FAM83H: variants seen among roughly 807,000 people sequenced by gnomAD.
FAM83H encodes scaffolding CK1 anchoring protein H, also known as protein FAM83H.
Under a neutral mutation model 30.2 loss-of-function variants are expected in FAM83H, and 24 were observed. That is an observed-to-expected ratio of 0.79 (90% CI 0.57 to 1.12). The LOEUF is 1.12. Ranked by LOEUF, FAM83H falls within the 50% of genes most tolerant of loss-of-function variation. FAM83H has a pLI of 0.00. For synonymous variants in FAM83H, 1,013 were observed against 821.7 expected (o/e 1.23, Z -3.98); for missense variants, 2,038 against 1,773.9 (o/e 1.15, Z -2.67).
chr8:143,728,892 C>T, intron 4 of FAM83H, 75 bp downstream of exon 4: 2 of 1,609,516 alleles, frequency 1.2e-6, no homozygotes, highest in Non-Finnish European at 1.7e-6. Context: ...GAGGAGGGCC[C>T]TGGTGTGGAA....
chr8:143,725,721 G>A lies in FAM83H; in HGVS notation c.*200C>T. 1.2e-6 allele frequency: 1 copy of A among 833,394 alleles called. No homozygotes were observed. Among genetic ancestry groups the A allele is most frequent in the Non-Finnish European group, 1.8e-6 (1 of 546,746 alleles). 51.6% of individuals were successfully genotyped at this position (833,394 alleles called of 1,614,324 possible). On this transcript the variant is annotated 3_prime_UTR_variant, in exon 5 of 5. Transcript: ENST00000388913. ...GCGAGGGGTGCAGCCCCAGCGTTGG[G>A]GAGGCCAGGGGGCAGAGACGGCAGC...
rs563211769 is a variant in FAM83H at position 143,727,550 on chromosome 8, G to A, written c.1911C>T (p.Pro637=). 4 of 1,587,024 alleles carry A rather than the reference G, an allele frequency of 2.5e-6. No homozygotes were observed. Among genetic ancestry groups the A allele is most frequent in the African/African-American group, 1.3e-5 (1 of 74,268 alleles). ...PSAFRVPAAF[P]TKVPVPGPGS... is the part of the protein sequence containing the mutation. ...CCGGGCCTGGCACCGGGACCTTGGT[G>A]GGGAAGGCTGCTGGGACGCGGAAGG... The change falls in exon 5 of 5, where the codon CCC becomes CCT. Residue 637 remains proline (P), a synonymous_variant. Coordinates refer to ENST00000388913, the MANE Select transcript of FAM83H (RefSeq NM_198488.5).
In FAM83H at chr8:143,728,206, C is replaced by T; in HGVS notation, c.1255G>A (p.Ala419Thr). 6.2e-7 allele frequency: 1 copy of T among 1,600,692 alleles called. No individual in the cohort carries two copies. Among genetic ancestry groups the T allele is most frequent in the Non-Finnish European group, 8.5e-7 (1 of 1,177,346 alleles). Residue 419 changes from alanine to threonine, a missense_variant, in exon 5 of 5, where the codon GCC becomes ACC. Transcript: ENST00000388913. Reference protein sequence around the residue: ...RHSFATEGAGAVENFAAARQV... With the variant: ...RHSFATEGAGTVENFAAARQV... Reference sequence around the variant, plus strand: ...CGCGCGGCCGCGAAGTTCTCCACGGCGCCCGCGCCCTCGGTCGCGAAGCTG... The same window carrying T: ...CGCGCGGCCGCGAAGTTCTCCACGGTGCCCGCGCCCTCGGTCGCGAAGCTG...
chr8:143,727,223 A>C lies in FAM83H; in HGVS notation c.2238T>G (p.Arg746=). 6.5e-7 allele frequency: 1 copy of C among 1,533,842 alleles called. No individual in the cohort carries two copies. The highest frequency in any genetic ancestry group is 2.4e-5 in the East Asian group (1 of 40,818). Residue 746 remains arginine (R), a synonymous_variant, in exon 5 of 5, where the codon CGT becomes CGG. Transcript: ENST00000388913. ...TGGCGCCCGCGCCGCCGCCGGGATC[A>C]CGGGCTGGGCCCTTGTACTTCTCCA... The part of the protein sequence containing the change: ...ELLEKYKGPA[R]DPGGGAGAIT...
rs1818208717 is a variant in FAM83H, at chr8:143,724,466, C to CA, written c.*1454dup. The CA allele has an allele frequency of 6.6e-6, 1 of 152,112 alleles. No individual in the cohort carries two copies. The highest frequency in any genetic ancestry group is 2.4e-5 in the African/African-American group (1 of 41,398). The allele number at this position is 152,112 out of a possible 1,614,324, so 9.4% of individuals were successfully genotyped here. A position where few individuals can be genotyped will look rare whatever the true frequency, so the allele number is the denominator to read the frequency against. ...CTACACACGTGGTGCCAAAATGTGT[C>CA]ATTCTGAGTCAATTGCAATTCCTCT... On this transcript the variant is annotated 3_prime_UTR_variant, in exon 5 of 5. Transcript: ENST00000388913.
chr8:143,726,835 G>T lies in FAM83H; in HGVS notation c.2626C>A (p.Pro876Thr). ...GGCGTGGGGCTCCCCTTCCGCTCAG[G>T]GTAAGCCGAGGTGGGGCTCCCTTTT... is the stretch of plus-strand genomic sequence containing the variant. Reference protein sequence around the residue: ...ESKGSPTSAYPERKGSPTPGF... With the variant: ...ESKGSPTSAYTERKGSPTPGF... The change falls in exon 5 of 5, where the codon CCT becomes ACT. Residue 876 changes from proline (P) to threonine (T), a missense_variant. Physicochemically the swap from Pro to Thr is conservative, Grantham distance 38. Coordinates refer to ENST00000388913, the MANE Select transcript of FAM83H (RefSeq NM_198488.5). 6.2e-7 allele frequency: 1 copy of T among 1,612,978 alleles called. No homozygotes were observed. Among genetic ancestry groups the T allele is most frequent in the Non-Finnish European group, 8.5e-7 (1 of 1,179,922 alleles).
rs10448090 is a variant in FAM83H at position 143,729,583 on chromosome 8, T to A, written c.448-260A>T. 0.62 allele frequency among the ~76,000 whole-genome samples: 94,166 copies of A among 152,042 alleles called. 32,171 individuals are homozygous for A. The highest frequency in any genetic ancestry group is 0.77 in the Non-Finnish European group (52,423 of 67,948). On this transcript the variant is annotated intron_variant, in intron 2 of 4. Coordinates refer to ENST00000388913, the MANE Select transcript of FAM83H (RefSeq NM_198488.5). ...GAACCCTGGATGAGGGTGGGCCAGGTTGGGGCACGGCAAGGGCCCCTCAAT... is the reference window on the plus strand; with the variant it reads ...GAACCCTGGATGAGGGTGGGCCAGGATGGGGCACGGCAAGGGCCCCTCAAT...
In FAM83H at chr8:143,730,162, G is replaced by T. The variant is rs782242457; in HGVS notation, c.421C>A (p.Arg141Ser). 10 of 1,595,178 alleles carry T rather than the reference G, an allele frequency of 6.3e-6. No homozygotes were observed. Among genetic ancestry groups the T allele is most frequent in the Non-Finnish European group, 7.7e-6 (9 of 1,168,166 alleles). The stretch of plus-strand genomic sequence containing the variant: ...TGCTGGGCGGAACGGATCATCCTGC[G>T]GGCCTCATCCTTGATACTGGGGCTG... Reference protein sequence around the residue: ...PDSPSIKDEARRMIRSAQQVV... With the variant: ...PDSPSIKDEASRMIRSAQQVV... The change falls in exon 2 of 5, where the codon CGC becomes AGC. Residue 141 changes from arginine (R) to serine (S), a missense_variant. Physicochemically the swap from Arg to Ser is moderately radical, Grantham distance 110. Transcript: ENST00000388913.
At position 143,726,637 on chromosome 8, in the gene FAM83H, A is replaced by T; in HGVS notation, c.2824T>A (p.Ser942Thr). The stretch of plus-strand genomic sequence containing the variant: ...GGCCCGGCCTTCGGGGACTCCCCGG[A>T]GATGGTAAGGGTGAGGCTGCCCCTG... The part of the protein sequence containing the change: ...ERRGSLTLTI[S>T]GESPKAGPAE... The change falls in exon 5 of 5, where the codon TCC (serine) becomes ACC (threonine). Residue 942 changes from serine to threonine, a missense_variant. Ser to Thr is a moderately conservative substitution (Grantham distance 58). Transcript: ENST00000388913. 1 of 1,598,314 alleles carries T rather than the reference A, an allele frequency of 6.3e-7. No individual in the cohort carries two copies. The highest frequency in any genetic ancestry group is 8.5e-7 in the Non-Finnish European group (1 of 1,177,808).
chr8:143,732,867 C>T (rs1291741553), intron 1 of FAM83H, among the ~76,000 whole-genome samples: 2 of 151,798 alleles, frequency 1.3e-5, no homozygotes, highest in Non-Finnish European at 2.9e-5. Flanking sequence ...CACTCTTCTG[C>T]TTGCTGACCC....
chr8:143,732,984 G>A (rs1818580522), intron 1 of FAM83H: 1 of 154,378 alleles, frequency 6.5e-6, no homozygotes, highest in African/African-American at 2.4e-5. Context: ...AGGACCCCAT[G>A]GAAGGATCTG....
rs1382938952 is a variant in FAM83H at position 143,727,296 on chromosome 8, C to T, written c.2165G>A (p.Gly722Asp). 1.3e-6 allele frequency: 2 copies of T among 1,538,496 alleles called. No individual in the cohort carries two copies. The highest frequency in any genetic ancestry group is 1.7e-6 in the Non-Finnish European group (2 of 1,148,302). The change falls in exon 5 of 5, where the codon GGC becomes GAC. Residue 722 changes from glycine to aspartate, a missense_variant. Gly to Asp is a moderately conservative substitution (Grantham distance 94). Transcript: ENST00000388913. ...EQTVSETLGP[G>D]GEAVRSAAST... is the part of the protein sequence containing the mutation. ...AGCCGCGGAGCGCACGGCCTCTCCG[C>T]CGGGCCCCAGCGTCTCGCTGACCGT...
rs1446676413 is a variant in FAM83H at position 143,731,836 on chromosome 8, C to CG, written c.-15-1240dup. ...CACTCTGTTCTCCAAAGGGTCCCTG[C>CG]GGGGGCCTGGCCTCTCCAGAAAGGT... On this transcript the variant is annotated intron_variant, in intron 1 of 4. Transcript: ENST00000388913. The CG allele has an allele frequency of 4.1e-6, 4 of 985,334 alleles. No homozygotes were observed. In the Admixed American group the frequency reaches 1.8e-4, roughly 45 times the overall value. The allele number at this position is 985,334 out of a possible 1,614,324, so 61.0% of individuals were successfully genotyped here. A position where few individuals can be genotyped will look rare whatever the true frequency, so the allele number is the denominator to read the frequency against.
At chr8:143,732,797 C>T (rs782655015) in intron 1 of FAM83H, 29 of 954,546 alleles carry the variant, frequency 3.0e-5, no homozygotes, top group East Asian at 1.2e-4. Flanking sequence ...GCCTACCAAA[C>T]GTCTGCCCAA....
chr8:143,729,369 C>T (rs1554623824), intron 2 of FAM83H, 46 bp from the exon 3 acceptor site: 1 of 1,607,086 alleles, frequency 6.2e-7, no homozygotes, highest in African/African-American at 1.3e-5. Flanking sequence ...CTGCTGTCCC[C>T]ACACCATTGT....
chr8:143,726,387 G>C lies in FAM83H; in HGVS notation c.3074C>G (p.Ser1025Ter), dbSNP rs782717184. The C allele has an allele frequency of 6.2e-7, 1 of 1,609,300 alleles. No homozygotes were observed. The change falls in exon 5 of 5, where the codon TCA (serine) becomes TGA (stop). Residue 1025 changes from serine (S) to a stop codon, truncating the protein, a stop_gained. Transcript: ENST00000388913. LOFTEE classifies it high-confidence loss of function. Reference protein sequence around the residue: ...EERGPRARLSSATANALYSSN... With the variant: ...EERGPRARLS Reference sequence around the variant, plus strand: ...GCTGTACAAGGCGTTGGCCGTGGCTGAGGACAGGCGCGCCCGCGGACCCCG... The same window carrying C: ...GCTGTACAAGGCGTTGGCCGTGGCTCAGGACAGGCGCGCCCGCGGACCCCG...
At position 143,723,989 on chromosome 8, in the gene FAM83H, AGGTGGAG is replaced by A. The variant is rs1818192569; in HGVS notation, c.*1925_*1931del. 1 of 152,218 alleles carries A rather than the reference AGGTGGAG, an allele frequency of 6.6e-6. No homozygotes were observed. Among genetic ancestry groups the A allele is most frequent in the African/African-American group, 2.4e-5 (1 of 41,426 alleles). 9.4% of individuals were successfully genotyped at this position (152,218 alleles called of 1,614,324 possible). ...AATGTGCCACATCATGGTTTAGAAG[AGGTGGAG>A]GGTGCAGGCAGGAGGCTCCGAAGGC... On this transcript the variant is annotated 3_prime_UTR_variant, in exon 5 of 5. Coordinates refer to ENST00000388913, the MANE Select transcript of FAM83H (RefSeq NM_198488.5).
chr8:143,728,166 T>G lies in FAM83H; in HGVS notation c.1295A>C (p.Gln432Pro). ...NFAAARQVSR[Q>P]TFLSHGDDFR... ...GTCGTCGCCGTGGCTGAGGAACGTC[T>G]GCCGCGACACCTGCCGCGCGGCCGC... Residue 432 changes from glutamine (Q) to proline (P), a missense_variant, in exon 5 of 5, where the codon CAG becomes CCG. Coordinates refer to ENST00000388913, the MANE Select transcript of FAM83H (RefSeq NM_198488.5). 1 of 1,607,722 alleles carries G rather than the reference T, an allele frequency of 6.2e-7. No homozygotes were observed. The highest frequency in any genetic ancestry group is 1.1e-5 in the South Asian group (1 of 90,896).
rs1243598870 is a variant in FAM83H, at chr8:143,728,922, G to T, written c.737+45C>A. On this transcript the variant is annotated intron_variant, in intron 4 of 4. Coordinates refer to ENST00000388913, the MANE Select transcript of FAM83H (RefSeq NM_198488.5). Reference sequence around the variant, plus strand: ...GTGGAAAGGGGGTGCTGGGGTTACAGGAGGAGGCCCCAGAGAAGGGGGTGA... The same window carrying T: ...GTGGAAAGGGGGTGCTGGGGTTACATGAGGAGGCCCCAGAGAAGGGGGTGA... 6.8e-6 allele frequency: 11 copies of T among 1,612,474 alleles called. 1 individual carries two copies. The South Asian group carries it at 8.8e-5, about 13-fold the overall frequency.
Sources: allele counts gnomAD v4.1 joint callset (sites outside exome capture counted in the v4.1 genomes callset), GRCh38; gene constraint gnomAD v4.1.1; transcripts MANE v1.5; gene names NCBI Gene and HGNC (gene_info 2026-07-23, HGNC 2026-07-21).